The following ZNF320 variants were observed in gnomAD, a reference collection of about 807,000 sequenced individuals.
ZNF320 encodes zinc finger gene 320.
ZNF320 carries 2 observed loss-of-function variants against 6.8 expected under a neutral mutation model. The observed-to-expected ratio is 0.29, with a 90% CI of 0.12 to 0.93. The LOEUF is 0.93. Among genes scored for constraint, ZNF320 ranks in the 40% least tolerant of loss-of-function variants. The probability of loss-of-function intolerance (pLI) is 0.55; values close to 1 mark genes in which losing one functional copy is unlikely to be tolerated. For synonymous variants in ZNF320, 208 were observed against 203.2 expected, an observed-to-expected ratio of 1.02 and a Z score of -0.20; for missense variants, 472 against 611.0, an observed-to-expected ratio of 0.77 and a Z score of 2.40.
At chr19:52,893,674 T>C (rs2064382443) in intron 2 of ZNF320, 105 bp downstream of exon 2, 1 of 152,300 alleles carries the variant, frequency 6.6e-6, no homozygotes, top group East Asian at 1.9e-4. Context: ...TATCCATTAA[T>C]GCACTTCTGC....
intron 1 of ZNF320, among the ~76,000 whole-genome samples, chr19:52,897,284 G>T (rs1166766514): frequency 6.6e-6 from 1 of 152,264 alleles, no homozygotes; most frequent in Non-Finnish European, 1.5e-5. Flanking sequence ...CGGGAACCGG[G>T]GTTGAGGCGC....
intron 5 of ZNF320, among the ~76,000 whole-genome samples, chr19:52,867,689 G>T (rs1419432857): frequency 1.3e-5 from 2 of 152,008 alleles, no homozygotes; most frequent in African/African-American, 4.8e-5. Context: ...TTGGCTCACA[G>T]AAACATCCGC....
chr19:52,888,879 T>C (rs1017258817), intron 4 of ZNF320, among the ~76,000 whole-genome samples: 1 of 152,080 alleles, frequency 6.6e-6, no homozygotes, highest in Admixed American at 6.6e-5. Flanking sequence ...ATATAGGTTT[T>C]ACAAATATAA....
rs1261719100 is a variant in ZNF320, at chr19:52,880,869, GTCACATTCT to G, written c.1248_1256del (p.Glu416_Cys418del). On this transcript the variant is annotated inframe_deletion, in exon 6 of 6. Transcript: ENST00000682928. ...GGTGTGATTTGCGAATGTAAACTTT[GTCACATTCT>G]TCACATTCGTAAAGTTTCTCTCCAG... 6.2e-7 allele frequency: 1 copy of G among 1,613,826 alleles called. No individual in the cohort carries two copies. The highest frequency in any genetic ancestry group is 8.5e-7 in the Non-Finnish European group (1 of 1,179,878).
rs763754730 is a variant in ZNF320, at chr19:52,880,949, C to G, written c.1177G>C (p.Val393Leu). 13 of 1,613,394 alleles carry G rather than the reference C, an allele frequency of 8.1e-6. No individual in the cohort carries two copies. The highest frequency in any genetic ancestry group is 1.1e-5 in the Non-Finnish European group (13 of 1,179,564). ...GCGAGGTACGCTTTTGTACTAAAAA[C>G]CTTGCCACATTCATTACATGTGTAA... ...RPYTCNECGKVFSTKAYLACH... is the reference protein window; with the variant it reads ...RPYTCNECGKLFSTKAYLACH... Residue 393 changes from valine (V) to leucine (L), a missense_variant, in exon 6 of 6, where the codon GTT becomes CTT. By Grantham distance (32) the Val-to-Leu change is conservative. Around this residue, in one of 2 missense-constraint regions of ZNF320, gnomAD observed 462 missense variants for 559.7 expected, o/e 0.83. Transcript: ENST00000682928.
chr19:52,897,313 G>A (rs1317020367), intron 1 of ZNF320, among the ~76,000 whole-genome samples: 2 of 152,236 alleles, frequency 1.3e-5, no homozygotes, highest in Non-Finnish European at 2.9e-5. Flanking sequence ...TGAAGCCGCC[G>A]AGAGCGACGG....
exon 6 of ZNF320, chr19:52,863,661 G>C (rs1017311581): frequency 6.6e-6 from 1 of 151,512 alleles, no homozygotes; most frequent in East Asian, 1.9e-4. Flanking sequence ...AACCTCACAA[G>C]CTCCCTCAAT....
At position 52,880,556 on chromosome 19, in the gene ZNF320, G is replaced by A; in HGVS notation, c.*40C>T. 6.5e-7 allele frequency: 1 copy of A among 1,539,832 alleles called. No homozygotes were observed. Among genetic ancestry groups the A allele is most frequent in the South Asian group, 1.3e-5 (1 of 79,586 alleles). ...GATTAATGCTTGAAATCAATGTTAA[G>A]TCAACTCAAACTCAGGTCAATGCTG... is the stretch of plus-strand genomic sequence containing the variant. On this transcript the variant is annotated 3_prime_UTR_variant, in exon 6 of 6. Coordinates refer to ENST00000682928, the MANE Select transcript of ZNF320 (RefSeq NM_001351774.2).
rs184125826 is a variant in ZNF320 at position 52,895,974 on chromosome 19, T to C, written c.-270+1546A>G. On this transcript the variant is annotated intron_variant, in intron 1 of 5. Transcript: ENST00000682928. ...TTTAAAATGGTTAAAAATATATACA[T>C]CTAAAAATGTATATATCTAATAAAA... Among the ~76,000 whole-genome samples the C allele has an allele frequency of 2.4e-3, 364 of 152,128 alleles. 1 individual carries two copies. Among genetic ancestry groups the C allele is most frequent in the African/African-American group, 7.7e-3 (318 of 41,514 alleles).
At chr19:52,864,742 G>A (rs191788081) in intron 5 of ZNF320, among the ~76,000 whole-genome samples, 50 of 152,230 alleles carry the variant, frequency 3.3e-4, no homozygotes, top group Admixed American at 1.4e-3. Flanking sequence ...GGCCAGGTGC[G>A]GTGGCTCACG....
intron 5 of ZNF320, among the ~76,000 whole-genome samples, chr19:52,887,496 T>C (rs1255580697): frequency 6.6e-6 from 1 of 152,224 alleles, no homozygotes; most frequent in Non-Finnish European, 1.5e-5. Context: ...TAATATGTAA[T>C]ATGTGGACAT....
At chr19:52,887,050 GA>G (rs2064114101) in intron 5 of ZNF320, among the ~76,000 whole-genome samples, 2 of 142,666 alleles carry the variant, frequency 1.4e-5, no homozygotes, top group African/African-American at 5.2e-5. Flanking sequence ...AGTAAATAAG[GA>G]AAGAGCAGAG....
downstream of ZNF320, among the ~76,000 whole-genome samples, chr19:52,873,767 C>T (rs147596050): frequency 4.6e-3 from 701 of 152,288 alleles, 6 homozygotes; most frequent in African/African-American, 0.016. Context: ...CTGGTGTGAG[C>T]CCTTCCCAGG....
intron 5 of ZNF320, 50 bp downstream of exon 5, chr19:52,888,077 C>T (rs1418912711): frequency 6.2e-7 from 1 of 1,603,308 alleles, no homozygotes; most frequent in Non-Finnish European, 8.5e-7. Flanking sequence ...AGAGAAAATA[C>T]AAAGATCCAC....
intron 5 of ZNF320, among the ~76,000 whole-genome samples, chr19:52,870,480 A>G (rs2063661062): frequency 6.8e-6 from 1 of 146,584 alleles, no homozygotes; most frequent in Non-Finnish European, 1.5e-5. Context: ...TCCGTCTCAA[A>G]AAAAAAAAAA....
At chr19:52,860,757 T>G (rs757911764), downstream of ZNF320, among the ~76,000 whole-genome samples, 9 of 152,196 alleles carry the variant, frequency 5.9e-5, no homozygotes, top group Non-Finnish European at 8.8e-5. Context: ...GCAGGTACTA[T>G]TAAGCTGCTT....
At chr19:52,888,814 T>C (rs576195095) in intron 4 of ZNF320, among the ~76,000 whole-genome samples, 1 of 152,296 alleles carries the variant, frequency 6.6e-6, no homozygotes, top group East Asian at 1.9e-4. Flanking sequence ...TGTGTACATA[T>C]GTATGTATGT....
intron 5 of ZNF320, among the ~76,000 whole-genome samples, chr19:52,883,119 G>A (rs2063973544): frequency 6.6e-6 from 1 of 151,924 alleles, no homozygotes. Flanking sequence ...TTGGTTCACT[G>A]CAACCTCCGC....
chr19:52,902,572 G>C (rs1427419186), upstream of ZNF320, among the ~76,000 whole-genome samples: 1 of 152,184 alleles, frequency 6.6e-6, no homozygotes, highest in African/African-American at 2.4e-5. Flanking sequence ...CTAGTAAAAT[G>C]AATGCTTCCT....
Sources: gnomAD v4.1 joint callset for allele counts (sites outside exome capture counted in the v4.1 genomes callset) on GRCh38, gnomAD v4.1.1 for gene constraint, gnomAD v4.1.1 regional missense constraint, MANE v1.5 for transcripts, NCBI Gene and HGNC (gene_info 2026-07-23, HGNC 2026-07-21) for gene names.